The following INPP4B variants were observed in gnomAD, a reference collection of about 807,000 sequenced individuals.
INPP4B encodes inositol polyphosphate 4-phosphatase type II.
Under a neutral mutation model 122.5 loss-of-function variants are expected in INPP4B, and 55 were observed. The ratio of observed to expected loss-of-function variants is 0.45; its 90% CI spans 0.36 to 0.56. INPP4B has a LOEUF of 0.56. Ranked by LOEUF, INPP4B falls within the 20% of genes least tolerant of loss-of-function variation. The pLI is 0.00. For synonymous variants in INPP4B, 403 were observed against 388.7 expected, an observed-to-expected ratio of 1.04 and a Z score of -0.43; for missense variants, 1,000 against 1,097.7, an observed-to-expected ratio of 0.91 and a Z score of 1.26.
At chr4:142,585,057 G>A (rs1382762929) in intron 2 of INPP4B, among the ~76,000 whole-genome samples, 1 of 152,132 alleles carries the variant, frequency 6.6e-6, no homozygotes. Context: ...CTAGCACTGT[G>A]TGTGTGGTGG....
At chr4:142,783,291 C>G (rs1300722435) in intron 1 of INPP4B, among the ~76,000 whole-genome samples, 2 of 152,124 alleles carry the variant, frequency 1.3e-5, no homozygotes, top group African/African-American at 4.8e-5. Flanking sequence ...TATCCAGAAT[C>G]TACAATGAAC....
chr4:142,333,680 T>C (rs1247611450), intron 7 of INPP4B, among the ~76,000 whole-genome samples: 1 of 152,178 alleles, frequency 6.6e-6, no homozygotes, highest in East Asian at 1.9e-4. Context: ...GTTTTTTTTG[T>C]ATTGGACTAC....
intron 1 of INPP4B, among the ~76,000 whole-genome samples, chr4:142,785,353 G>A (rs1478684963): frequency 6.6e-6 from 1 of 151,900 alleles, no homozygotes; most frequent in Admixed American, 6.6e-5. Context: ...TGTGACATGA[G>A]ATTCAGATAA....
At chr4:142,761,647 G>A (rs1006581853) in intron 1 of INPP4B, among the ~76,000 whole-genome samples, 1 of 152,118 alleles carries the variant, frequency 6.6e-6, no homozygotes, top group Non-Finnish European at 1.5e-5. Flanking sequence ...TTGTCAAGTT[G>A]ACCAAGCACT....
intron 15 of INPP4B, among the ~76,000 whole-genome samples, chr4:142,189,525 T>C (rs1292001419): frequency 1.3e-5 from 2 of 152,040 alleles, no homozygotes; most frequent in East Asian, 1.9e-4. Flanking sequence ...AGTAAAATAT[T>C]AGGGAGGAGA....
At chr4:142,718,208 A>G (rs887664626) in intron 2 of INPP4B, among the ~76,000 whole-genome samples, 13 of 152,330 alleles carry the variant, frequency 8.5e-5, no homozygotes, top group South Asian at 4.1e-4. Context: ...AAATAGCCCA[A>G]AGGAAACCCC....
At chr4:142,551,849 T>C (rs1728054642) in intron 2 of INPP4B, among the ~76,000 whole-genome samples, 1 of 152,226 alleles carries the variant, frequency 6.6e-6, no homozygotes, top group Non-Finnish European at 1.5e-5. Context: ...GAATAGTAAT[T>C]TGAGCCAATT....
intron 2 of INPP4B, among the ~76,000 whole-genome samples, chr4:142,476,600 A>G (rs532101777): frequency 6.6e-6 from 1 of 152,326 alleles, no homozygotes; most frequent in African/African-American, 2.4e-5. Context: ...CCATAAGCTC[A>G]AAGAAAAGGG....
intron 7 of INPP4B, among the ~76,000 whole-genome samples, chr4:142,315,253 TA>T (rs754318604): frequency 6.6e-6 from 1 of 152,086 alleles, no homozygotes; most frequent in Non-Finnish European, 1.5e-5. Context: ...TTTTTTTAAT[TA>T]AAAAATGTTC....
At chr4:142,115,842 C>T (rs568709654) in intron 21 of INPP4B, among the ~76,000 whole-genome samples, 74 of 152,190 alleles carry the variant, frequency 4.9e-4, no homozygotes, top group African/African-American at 1.7e-3. Flanking sequence ...GGGCTAAATG[C>T]TACAATTAAA....
chr4:142,318,809 C>T (rs946166345), intron 7 of INPP4B, among the ~76,000 whole-genome samples: 1 of 152,128 alleles, frequency 6.6e-6, no homozygotes, highest in Admixed American at 6.5e-5. Context: ...AGGTAGCATA[C>T]AGTGGGTTAT....
chr4:142,196,666 A>G (rs1490987764), intron 14 of INPP4B, among the ~76,000 whole-genome samples: 1 of 152,180 alleles, frequency 6.6e-6, no homozygotes, highest in Non-Finnish European at 1.5e-5. Flanking sequence ...TCCACAATGC[A>G]GTAGTTCACT....
intron 9 of INPP4B, among the ~76,000 whole-genome samples, chr4:142,290,458 G>A (rs1038919426): frequency 4.6e-5 from 7 of 151,682 alleles, no homozygotes; most frequent in African/African-American, 9.7e-5. Flanking sequence ...GACCTGCCTC[G>A]GCCTCCCAAA....
rs998438137 is a variant in INPP4B, at chr4:142,253,937, T to G, written c.688+6555A>C. ...AAACAGAAAGACAGCAGTAACCTCT[T>G]CAGACTTAAATGTCCCTGTCTGACA... is the stretch of plus-strand genomic sequence containing the variant. On this transcript the variant is annotated intron_variant, in intron 11 of 25. Transcript: ENST00000262992. Among the ~76,000 whole-genome samples, 58 of 152,240 alleles carry G rather than the reference T, an allele frequency of 3.8e-4. 1 individual carries two copies. Among genetic ancestry groups the G allele is most frequent in the East Asian group, 7.8e-4 (4 of 5,150 alleles).
At chr4:142,397,206 C>A (rs1209529624) in intron 7 of INPP4B, among the ~76,000 whole-genome samples, 1 of 152,154 alleles carries the variant, frequency 6.6e-6, no homozygotes. Context: ...ATCTGTAACT[C>A]CCTTTGCAAA....
intron 1 of INPP4B, among the ~76,000 whole-genome samples, chr4:142,735,098 G>C (rs970368011): frequency 6.6e-6 from 1 of 152,152 alleles, no homozygotes; most frequent in Non-Finnish European, 1.5e-5. Flanking sequence ...TCTTTCCCTA[G>C]AACACATTCT....
intron 24 of INPP4B, among the ~76,000 whole-genome samples, chr4:142,084,839 CATA>C (rs1275180401): frequency 3.3e-5 from 5 of 152,152 alleles, no homozygotes; most frequent in Non-Finnish European, 7.4e-5. Flanking sequence ...TCACAATGTA[CATA>C]ATGACACATT....
chr4:142,692,006 G>A (rs1432754345), intron 2 of INPP4B, among the ~76,000 whole-genome samples: 3 of 152,044 alleles, frequency 2.0e-5, no homozygotes, highest in East Asian at 1.9e-4. Flanking sequence ...ATCATACTTG[G>A]TCTTCACAGG....
chr4:142,339,175 G>A (rs1200936195), intron 7 of INPP4B, among the ~76,000 whole-genome samples: 1 of 151,992 alleles, frequency 6.6e-6, no homozygotes, highest in African/African-American at 2.4e-5. Flanking sequence ...ATTAAACCAG[G>A]TTACTGCACT....
Sources: gnomAD v4.1 joint callset for allele counts (sites outside exome capture counted in the v4.1 genomes callset) on GRCh38, gnomAD v4.1.1 for gene constraint, MANE v1.5 for transcripts, NCBI Gene and HGNC (gene_info 2026-07-23, HGNC 2026-07-21) for gene names.